Variants in FGF12 observed in about 807,000 individuals in gnomAD.
The protein encoded by FGF12 is fibroblast growth factor 12B.
FGF12 carries 14 observed loss-of-function variants against 23.6 expected under a neutral mutation model. The observed-to-expected ratio is 0.59, with a 90% CI of 0.39 to 0.93. The LOEUF (loss-of-function observed/expected upper bound fraction) is 0.93, where lower values mean the gene tolerates loss of function less well. FGF12 is among the 40% of genes least tolerant of loss of function. The pLI is 0.00. For synonymous variants in FGF12, 62 were observed against 77.3 expected, an observed-to-expected ratio of 0.80 and a Z score of 1.04; for missense variants, 175 against 217.8, an observed-to-expected ratio of 0.80 and a Z score of 1.24.
intron 2 of FGF12, among the ~76,000 whole-genome samples, chr3:192,395,199 T>C (rs1720467579): frequency 6.6e-6 from 1 of 152,184 alleles, no homozygotes; most frequent in Non-Finnish European, 1.5e-5. Flanking sequence ...TGCTCCTTCT[T>C]TCAGCATTCC....
intron 4 of FGF12, among the ~76,000 whole-genome samples, chr3:192,208,302 C>A (rs1717754191): frequency 6.6e-6 from 1 of 152,194 alleles, no homozygotes. Context: ...TCACAAATTT[C>A]AGCCACCATA....
At chr3:192,522,353 A>G (rs1223472488) in intron 2 of FGF12, among the ~76,000 whole-genome samples, 1 of 152,222 alleles carries the variant, frequency 6.6e-6, no homozygotes, top group Non-Finnish European at 1.5e-5. Context: ...TTACTTTTAA[A>G]CATTTGAAAA....
chr3:192,473,455 A>G (rs915612842), intron 2 of FGF12, among the ~76,000 whole-genome samples: 1 of 152,252 alleles, frequency 6.6e-6, no homozygotes, highest in African/African-American at 2.4e-5. Flanking sequence ...CCAGGAAATG[A>G]AATACAGAAA....
Position 192,336,362 on chromosome 3 carries a change from C to A in FGF12, c.125-898G>T, listed in dbSNP as rs749696955. ...CCACTTAGAGAAGGAATTCGTAGATCAGAAAAAAAGATACCTAAGAGAACC... is the reference window on the plus strand; with the variant it reads ...CCACTTAGAGAAGGAATTCGTAGATAAGAAAAAAAGATACCTAAGAGAACC... On this transcript the variant is annotated intron_variant, in intron 3 of 5. Coordinates refer to ENST00000445105, the MANE Select transcript of FGF12 (RefSeq NM_004113.6). The surrounding 1 kb of genome is among the most constrained non-coding windows in gnomAD (Gnocchi z 4.3). 7.2e-5 allele frequency among the ~76,000 whole-genome samples: 11 copies of A among 151,848 alleles called. No homozygotes were observed. Among genetic ancestry groups the A allele is most frequent in the Non-Finnish European group, 1.3e-4 (9 of 67,920 alleles).
chr3:192,671,369 T>A (rs1028996182), intron 2 of FGF12, among the ~76,000 whole-genome samples: 3 of 152,220 alleles, frequency 2.0e-5, no homozygotes, highest in Admixed American at 6.5e-5. Flanking sequence ...TACCATTGAT[T>A]CTGGATTAGG....
intron 4 of FGF12, among the ~76,000 whole-genome samples, chr3:192,297,558 C>T (rs1041504005): frequency 6.6e-6 from 1 of 152,152 alleles, no homozygotes; most frequent in Non-Finnish European, 1.5e-5. Flanking sequence ...CAATATTTCC[C>T]TGGCACATCA....
chr3:192,317,780 C>G (rs1249315748), intron 4 of FGF12, among the ~76,000 whole-genome samples: 1 of 152,120 alleles, frequency 6.6e-6, no homozygotes, highest in Non-Finnish European at 1.5e-5. Context: ...AAAGGAGACA[C>G]AGTGCTGTGC....
chr3:192,271,182 A>G (rs1713412112), intron 4 of FGF12, among the ~76,000 whole-genome samples: 1 of 152,206 alleles, frequency 6.6e-6, no homozygotes. Context: ...AATAAGCCTC[A>G]TGTTTGAAAC....
At chr3:192,275,704 A>G (rs1713742546) in intron 4 of FGF12, among the ~76,000 whole-genome samples, 1 of 152,208 alleles carries the variant, frequency 6.6e-6, no homozygotes, top group Admixed American at 6.5e-5. Context: ...TTAGTTAAGT[A>G]AAGTATAAGT....
chr3:192,292,149 T>C (rs1021473142), intron 4 of FGF12, among the ~76,000 whole-genome samples: 1 of 152,200 alleles, frequency 6.6e-6, no homozygotes, highest in African/African-American at 2.4e-5. Context: ...AATCAGAAGT[T>C]TGTTCAGCGT....
At chr3:192,335,056 G>C (rs1358729966) in intron 4 of FGF12, among the ~76,000 whole-genome samples, 1 of 152,034 alleles carries the variant, frequency 6.6e-6, no homozygotes, top group Non-Finnish European at 1.5e-5. Context: ...CAAGAGAAAA[G>C]AAAAATGTCT....
intron 2 of FGF12, among the ~76,000 whole-genome samples, chr3:192,606,126 G>A (rs1442141109): frequency 6.6e-6 from 1 of 152,190 alleles, no homozygotes; most frequent in Non-Finnish European, 1.5e-5. Flanking sequence ...CAACCTAGAT[G>A]TCCATCAATG....
intron 2 of FGF12, among the ~76,000 whole-genome samples, chr3:192,633,204 C>A (rs542654166): frequency 5.4e-4 from 82 of 152,160 alleles, no homozygotes; most frequent in African/African-American, 2.0e-3. Flanking sequence ...CATGACCATG[C>A]CCAGCTAGTT....
rs1717395231 is a variant in FGF12, at chr3:192,336,067, G to C, written c.125-603C>G. On this transcript the variant is annotated intron_variant, in intron 3 of 5. Coordinates refer to ENST00000445105, the MANE Select transcript of FGF12 (RefSeq NM_004113.6). The surrounding 1 kb of genome is among the most constrained non-coding windows in gnomAD (Gnocchi z 4.3). ...CAGATGGACAGATGATTGATAGATAGCTTAAGCTGTAATGGATATATTTTA... is the reference window on the plus strand; with the variant it reads ...CAGATGGACAGATGATTGATAGATACCTTAAGCTGTAATGGATATATTTTA... Among the ~76,000 whole-genome samples, 1 of 150,730 alleles carries C rather than the reference G, an allele frequency of 6.6e-6. No individual in the cohort carries two copies. Among genetic ancestry groups the C allele is most frequent in the Non-Finnish European group, 1.5e-5 (1 of 67,726 alleles).
At chr3:192,563,215 T>A (rs374783825) in intron 2 of FGF12, among the ~76,000 whole-genome samples, 31 of 152,348 alleles carry the variant, frequency 2.0e-4, no homozygotes, top group African/African-American at 7.2e-4. Context: ...TAATGGAATA[T>A]TATTAAAAAG....
Position 192,313,462 on chromosome 3 carries a change from G to A in FGF12, c.228+21899C>T, listed in dbSNP as rs1426738008. Among the ~76,000 whole-genome samples, 10 of 152,108 alleles carry A rather than the reference G, an allele frequency of 6.6e-5. 1 individual carries two copies. Among genetic ancestry groups the A allele is most frequent in the Middle Eastern group, 3.2e-3 (1 of 316 alleles). On this transcript the variant is annotated intron_variant, in intron 4 of 5. Coordinates refer to ENST00000445105, the MANE Select transcript of FGF12 (RefSeq NM_004113.6). ...AAACCTTTTCCCATCTATTGAAATC[G>A]AAGAATAAAGGTTGAAGTAGTAATG... is the stretch of plus-strand genomic sequence containing the variant.
At chr3:192,277,959 C>T (rs1039503048) in intron 4 of FGF12, among the ~76,000 whole-genome samples, 6 of 152,160 alleles carry the variant, frequency 3.9e-5, no homozygotes, top group Non-Finnish European at 7.3e-5. Context: ...GACGGGGTTT[C>T]GCCATGTTGG....
At chr3:192,372,838 T>C (rs1260870421) in intron 2 of FGF12, among the ~76,000 whole-genome samples, 2 of 152,198 alleles carry the variant, frequency 1.3e-5, no homozygotes, top group African/African-American at 2.4e-5. Flanking sequence ...CCGGGAGAGC[T>C]TTGCACCATC....
intron 4 of FGF12, among the ~76,000 whole-genome samples, chr3:192,177,698 A>C (rs1169301307): frequency 6.6e-6 from 1 of 152,224 alleles, no homozygotes; most frequent in African/African-American, 2.4e-5. Context: ...ACTGAAACAC[A>C]ATAAGCATGT....
Sources: allele counts gnomAD v4.1 joint callset (sites outside exome capture counted in the v4.1 genomes callset), GRCh38; gene constraint gnomAD v4.1.1; non-coding constraint Gnocchi (gnomAD v3.1); transcripts MANE v1.5; gene names NCBI Gene and HGNC (gene_info 2026-07-23, HGNC 2026-07-21).